The following C6orf58 variants were observed in gnomAD, a reference collection of about 807,000 sequenced individuals.
C6orf58 encodes protein LEG1 homolog.
Under a neutral mutation model 37.0 loss-of-function variants are expected in C6orf58, and 30 were observed. The observed-to-expected ratio is 0.81, with a 90% CI of 0.61 to 1.10. The LOEUF (loss-of-function observed/expected upper bound fraction) is 1.10, where lower values mean the gene tolerates loss of function less well. Among genes scored for constraint, C6orf58 ranks in the 50% least tolerant of loss-of-function variants. The pLI, the probability that C6orf58 is intolerant of heterozygous loss-of-function variation, is 0.00. For synonymous variants in C6orf58, 143 were observed against 134.1 expected, an observed-to-expected ratio of 1.07 and a Z score of -0.46; for missense variants, 368 against 387.5, an observed-to-expected ratio of 0.95 and a Z score of 0.42.
Position 127,590,208 on chromosome 6 carries a change from A to G in C6orf58, c.796A>G (p.Met266Val), listed in dbSNP as rs1422476104. The G allele has an allele frequency of 6.2e-7, 1 of 1,613,692 alleles. No homozygotes were observed. Among genetic ancestry groups the G allele is most frequent in the Admixed American group, 1.7e-5 (1 of 59,996 alleles). Reference sequence around the variant, plus strand: ...TAGATCATATAAGTTCCAGAAGGGCATGCCACCACGAATTCTTCTTAATAC... The same window carrying G: ...TAGATCATATAAGTTCCAGAAGGGCGTGCCACCACGAATTCTTCTTAATAC... The part of the protein sequence containing the change: ...LIRSYKFQKG[M>V]PPRILLNTDV... Residue 266 changes from methionine (M) to valine (V), a missense_variant, in exon 5 of 6, where the codon ATG becomes GTG. Physicochemically the swap from Met to Val is conservative, Grantham distance 21 (BLOSUM62 1). Coordinates refer to ENST00000329722, the MANE Select transcript of C6orf58 (RefSeq NM_001010905.3).
chr6:127,579,946 G>A (rs1438971961), intron 2 of C6orf58, among the ~76,000 whole-genome samples: 8 of 152,044 alleles, frequency 5.3e-5, no homozygotes, highest in Non-Finnish European at 7.4e-5. Flanking sequence ...AAAGTTGATA[G>A]CTTTCTTCCA....
chr6:127,588,791 T>C (rs1315407190), intron 4 of C6orf58, among the ~76,000 whole-genome samples: 2 of 152,208 alleles, frequency 1.3e-5, no homozygotes, highest in African/African-American at 4.8e-5. Flanking sequence ...TCTGACTTAC[T>C]TCCAATTTGT....
chr6:127,583,185 A>G (rs1360844484), intron 4 of C6orf58, among the ~76,000 whole-genome samples: 2 of 152,196 alleles, frequency 1.3e-5, no homozygotes. Flanking sequence ...CAATCTGAAT[A>G]TTTGAATCTA....
intron 3 of C6orf58, 50 bp downstream of exon 3, chr6:127,580,499 A>G (rs2114291265): frequency 2.1e-6 from 3 of 1,459,044 alleles, no homozygotes; most frequent in East Asian, 4.6e-5. Context: ...ATTTTGTCAT[A>G]TAATTTCGTC....
chr6:127,591,733 T>A lies in C6orf58; in HGVS notation c.*111T>A. The A allele has an allele frequency of 1.0e-6, 1 of 979,124 alleles. No individual in the cohort carries two copies. The allele number at this position is 979,124 out of a possible 1,614,324, so 60.7% of individuals were successfully genotyped here. On this transcript the variant is annotated 3_prime_UTR_variant, in exon 6 of 6. Coordinates refer to ENST00000329722, the MANE Select transcript of C6orf58 (RefSeq NM_001010905.3). ...ATGTCATCATGACCATGTAGTTTAT[T>A]CTTTCTGATATTTTTGATTTATGCT...
intron 2 of C6orf58, 81 bp downstream of exon 2, chr6:127,578,853 C>T (rs1408911397): frequency 3.0e-6 from 3 of 1,005,660 alleles, no homozygotes; most frequent in South Asian, 1.4e-5. Context: ...GGGACAGAGA[C>T]AGAACTAAAA....
At chr6:127,581,362 C>G (rs1330859045) in intron 4 of C6orf58, 80 bp downstream of exon 4, 2 of 529,396 alleles carry the variant, frequency 3.8e-6, no homozygotes, top group East Asian at 6.9e-5. Flanking sequence ...TCTTCTTCTT[C>G]TAGAGTGTTT....
rs147046517 is a variant in C6orf58 at position 127,591,613 on chromosome 6, T to C, written c.984T>C (p.Asn328=). 1.2e-5 allele frequency: 18 copies of C among 1,512,948 alleles called. No individual in the cohort carries two copies. The African/African-American group carries it at 2.6e-4, about 22-fold the overall frequency. 93.7% of individuals were successfully genotyped at this position (1,512,948 alleles called of 1,614,324 possible). Residue 328 remains asparagine, a synonymous_variant, in exon 6 of 6, where the codon AAT becomes AAC. Coordinates refer to ENST00000329722, the MANE Select transcript of C6orf58 (RefSeq NM_001010905.3). ...AATCTAGCTCTAGAAGTTATGGAAA[T>C]AACTCCTGAAACATTTAACTTCAAA... The part of the protein sequence containing the change: ...HSESSSRSYG[N]NS
intron 4 of C6orf58, among the ~76,000 whole-genome samples, chr6:127,582,579 T>G (rs1775061444): frequency 6.6e-6 from 1 of 152,234 alleles, no homozygotes; most frequent in African/African-American, 2.4e-5. Context: ...TGGCCAATTG[T>G]AGCCTTTGCA....
intron 2 of C6orf58, among the ~76,000 whole-genome samples, chr6:127,579,714 G>C (rs74794101): frequency 6.6e-6 from 1 of 152,088 alleles, no homozygotes. Context: ...ATGTTTGATT[G>C]TCAGTCTAAT....
intron 4 of C6orf58, 65 bp downstream of exon 4, chr6:127,581,347 A>T: frequency 1.5e-6 from 1 of 652,998 alleles, no homozygotes; most frequent in East Asian, 3.3e-5. Context: ...TTATTTATAT[A>T]TTTTTCTTCT....
In C6orf58 at chr6:127,579,958, TCTTA is replaced by T. The variant is rs201798867; in HGVS notation, c.389-302_389-299del. The stretch of plus-strand genomic sequence containing the variant: ...GGAAAAGTTGATAGCTTTCTTCCAT[TCTTA>T]CTTAATGCTTTGAAAAAATGAATAT... On this transcript the variant is annotated intron_variant, in intron 2 of 5. Coordinates refer to ENST00000329722, the MANE Select transcript of C6orf58 (RefSeq NM_001010905.3). Among the ~76,000 whole-genome samples, 954 of 152,184 alleles carry T rather than the reference TCTTA, an allele frequency of 6.3e-3. 8 individuals are homozygous for T. The highest frequency in any genetic ancestry group is 0.022 in the African/African-American group (908 of 41,524).
intron 4 of C6orf58, among the ~76,000 whole-genome samples, chr6:127,582,616 A>G (rs1437225024): frequency 6.6e-6 from 1 of 152,220 alleles, no homozygotes; most frequent in East Asian, 1.9e-4. Context: ...TAACTAATGT[A>G]TGAGACGTAT....
At position 127,578,702 on chromosome 6, in the gene C6orf58, A is replaced by T; in HGVS notation, c.318A>T (p.Pro106=). ...WQYRTGRLAD[P]TRRTNCGYES... ...CTCCTCCAGGCAGATTAGCTGATCC[A>T]ACCCGAAGGACAAACTGTGGCTATG... The change falls in exon 2 of 6, where the codon CCA becomes CCT. Residue 106 remains proline (P), a synonymous_variant. Transcript: ENST00000329722. The T allele has an allele frequency of 6.2e-7, 1 of 1,612,698 alleles. No individual in the cohort carries two copies. Among genetic ancestry groups the T allele is most frequent in the Non-Finnish European group, 8.5e-7 (1 of 1,178,946 alleles).
chr6:127,580,546 G>C, intron 3 of C6orf58, 97 bp downstream of exon 3: 1 of 838,818 alleles, frequency 1.2e-6, no homozygotes, highest in South Asian at 1.7e-5. Context: ...ATTTTCCTTA[G>C]TATGCAGATG....
chr6:127,578,355 T>C (rs1337713736), intron 1 of C6orf58, among the ~76,000 whole-genome samples: 1 of 152,046 alleles, frequency 6.6e-6, no homozygotes, highest in Non-Finnish European at 1.5e-5. Flanking sequence ...GGGTTTGTTT[T>C]GACTCTCGAC....
chr6:127,590,359 G>A (rs779102164), intron 5 of C6orf58, 34 bp downstream of exon 5: 1 of 1,275,244 alleles, frequency 7.8e-7, no homozygotes, highest in East Asian at 2.3e-5. Flanking sequence ...TTAAAAATCA[G>A]TATTATGTTG....
chr6:127,583,943 G>A (rs538860109), intron 4 of C6orf58, among the ~76,000 whole-genome samples: 53 of 152,276 alleles, frequency 3.5e-4, no homozygotes, highest in African/African-American at 1.3e-3. Flanking sequence ...CTATAGGAGT[G>A]GATTTGATTG....
chr6:127,590,206 G>A lies in C6orf58; in HGVS notation c.794G>A (p.Gly265Asp), dbSNP rs201775588. ...TLIRSYKFQK[G>D]MPPRILLNTD... ...ATTAGATCATATAAGTTCCAGAAGG[G>A]CATGCCACCACGAATTCTTCTTAAT... The change falls in exon 5 of 6, where the codon GGC (glycine) becomes GAC (aspartate). Residue 265 changes from glycine to aspartate, a missense_variant. Transcript: ENST00000329722. 1 of 1,613,738 alleles carries A rather than the reference G, an allele frequency of 6.2e-7. No individual in the cohort carries two copies. Among genetic ancestry groups the A allele is most frequent in the East Asian group, 2.2e-5 (1 of 44,848 alleles).
Sources: allele counts gnomAD v4.1 joint callset (sites outside exome capture counted in the v4.1 genomes callset), GRCh38; gene constraint gnomAD v4.1.1; transcripts MANE v1.5; gene names NCBI Gene and HGNC (gene_info 2026-07-23, HGNC 2026-07-21).